The following TMEM201 variants were observed in gnomAD, a reference collection of about 807,000 sequenced individuals.
TMEM201 encodes the protein transmembrane protein 201, also known as RP13-15M17.2.
TMEM201 carries 26 observed loss-of-function variants against 63.4 expected under a neutral mutation model. The observed-to-expected ratio is 0.41, with a 90% CI of 0.30 to 0.57. The LOEUF (loss-of-function observed/expected upper bound fraction) is 0.57. TMEM201 is among the 20% of genes least tolerant of loss of function. The probability of loss-of-function intolerance (pLI) is 0.29; values close to 1 mark genes in which losing one functional copy is unlikely to be tolerated. For missense variants in TMEM201, 794 were observed against 917.7 expected (o/e 0.87, Z 1.74); for synonymous variants, 417 against 421.6 (o/e 0.99, Z 0.14).
intron 2 of TMEM201, 109 bp downstream of exon 2, chr1:9,596,119 C>A: frequency 7.1e-7 from 1 of 1,404,298 alleles, no homozygotes; most frequent in Non-Finnish European, 9.7e-7. Context: ...TCATGGACCC[C>A]ACACCCTCAT....
chr1:9,594,810 C>T (rs945753995), intron 1 of TMEM201, among the ~76,000 whole-genome samples: 3 of 152,260 alleles, frequency 2.0e-5, no homozygotes, highest in African/African-American at 4.8e-5. Context: ...TGGTTGCCCC[C>T]ACTTCACAGA....
At chr1:9,611,716 A>G (rs1178656862) in intron 9 of TMEM201, 37 bp from the exon 10 acceptor site, 1 of 1,550,826 alleles carries the variant, frequency 6.4e-7, no homozygotes, top group East Asian at 2.4e-5. Flanking sequence ...GGAGGGAGCC[A>G]TGAGCGCCAC....
intron 9 of TMEM201, 151 bp from the exon 10 acceptor site, chr1:9,611,602 G>T: frequency 1.1e-6 from 1 of 926,782 alleles, no homozygotes; most frequent in Non-Finnish European, 1.6e-6. Flanking sequence ...GCAAGGACCT[G>T]GCCCCCCACT....
At chr1:9,612,617 G>C (rs1028211546) in intron 10 of TMEM201, among the ~76,000 whole-genome samples, 2 of 152,238 alleles carry the variant, frequency 1.3e-5, no homozygotes, top group African/African-American at 2.4e-5. Flanking sequence ...GACCTGGGTT[G>C]GCTGCTTATT....
Position 9,610,845 on chromosome 1 carries a change from C to T in TMEM201, c.1765+40C>T. ...CCACCCCAAGGGGCCGTGGGAGGGC[C>T]TCTGCTGCCAAGAGGCCTGGCTGTG... On this transcript the variant is annotated intron_variant, in intron 9 of 10. Coordinates refer to ENST00000340381, the MANE Select transcript of TMEM201 (RefSeq NM_001130924.3). This position sits in a 1 kb window ranked among gnomAD's most constrained non-coding sequence, Gnocchi z 4.9. 1 of 1,505,808 alleles carries T rather than the reference C, an allele frequency of 6.6e-7. No individual in the cohort carries two copies. Among genetic ancestry groups the T allele is most frequent in the Non-Finnish European group, 8.9e-7 (1 of 1,122,276 alleles). The allele number at this position is 1,505,808 out of a possible 1,614,324, so 93.3% of individuals were successfully genotyped here. A position where few individuals can be genotyped will look rare whatever the true frequency, so the allele number is the denominator to read the frequency against.
Position 9,610,003 on chromosome 1 carries a change from C to T in TMEM201, c.1465+92C>T. ...GGTTTGTGTGAGCTTTGGGGTCAGA[C>T]AGACCCCAAGTGTGTGTTCACATCT... On this transcript the variant is annotated intron_variant, in intron 8 of 10. Coordinates refer to ENST00000340381, the MANE Select transcript of TMEM201 (RefSeq NM_001130924.3). The surrounding 1 kb of genome is among the most constrained non-coding windows in gnomAD (Gnocchi z 4.9). 1 of 1,248,716 alleles carries T rather than the reference C, an allele frequency of 8.0e-7. No homozygotes were observed. Among genetic ancestry groups the T allele is most frequent in the Non-Finnish European group, 1.1e-6 (1 of 874,882 alleles). The allele number at this position is 1,248,716 out of a possible 1,614,324, so 77.4% of individuals were successfully genotyped here. A position where few individuals can be genotyped will look rare whatever the true frequency, so the allele number is the denominator to read the frequency against.
intron 2 of TMEM201, among the ~76,000 whole-genome samples, chr1:9,596,440 G>A (rs2100465192): frequency 6.6e-6 from 1 of 152,346 alleles, no homozygotes; most frequent in South Asian, 2.1e-4. Flanking sequence ...GCCACCGTAG[G>A]TAATACAAGA....
chr1:9,602,405 G>GC (rs1644162835), intron 6 of TMEM201, 133 bp downstream of exon 6: 2 of 968,516 alleles, frequency 2.1e-6, no homozygotes, highest in Admixed American at 4.8e-5. Flanking sequence ...CCACCCTACA[G>GC]CCCCAGGTCC....
At position 9,608,437 on chromosome 1, in the gene TMEM201, C is replaced by T. The variant is rs1394449406; in HGVS notation, c.1393+648C>T. On this transcript the variant is annotated intron_variant, in intron 7 of 10. Coordinates refer to ENST00000340381, the MANE Select transcript of TMEM201 (RefSeq NM_001130924.3). The surrounding 1 kb of genome is among the most constrained non-coding windows in gnomAD (Gnocchi z 4.3). ...ATTCTAGGGGAGGAGATGCTGATAA[C>T]AGCCAAGGCCCCTCTCCTCTCGTGC... is the stretch of plus-strand genomic sequence containing the variant. Among the ~76,000 whole-genome samples, 1 of 152,208 alleles carries T rather than the reference C, an allele frequency of 6.6e-6. No individual in the cohort carries two copies. The highest frequency in any genetic ancestry group is 1.9e-4 in the East Asian group (1 of 5,202).
chr1:9,611,643 C>T (rs1260218052), intron 9 of TMEM201, 110 bp from the exon 10 acceptor site: 1 of 1,441,268 alleles, frequency 6.9e-7, no homozygotes, highest in African/African-American at 1.4e-5. Context: ...TTGGGACAGC[C>T]TGGCTCACCA....
intron 10 of TMEM201, among the ~76,000 whole-genome samples, chr1:9,612,178 T>C (rs1229555637): frequency 2.0e-5 from 3 of 152,192 alleles, no homozygotes; most frequent in African/African-American, 7.2e-5. Flanking sequence ...TGAAATGTAG[T>C]TCTTGAGCTG....
rs920126229 is a variant in TMEM201, at chr1:9,608,799, A to C, written c.1393+1010A>C. Among the ~76,000 whole-genome samples, 3 of 152,184 alleles carry C rather than the reference A, an allele frequency of 2.0e-5. No individual in the cohort carries two copies. The highest frequency in any genetic ancestry group is 1.3e-4 in the Admixed American group (2 of 15,276). ...CAATCTCCCTGTTAAGGCTCAAGGC[A>C]GGGACACAGTAGCGACCTGTCTGAG... On this transcript the variant is annotated intron_variant, in intron 7 of 10. Coordinates refer to ENST00000340381, the MANE Select transcript of TMEM201 (RefSeq NM_001130924.3). The surrounding 1 kb of genome is among the most constrained non-coding windows in gnomAD (Gnocchi z 4.3).
intron 3 of TMEM201, 105 bp from the exon 4 acceptor site, chr1:9,598,344 C>A: frequency 7.2e-7 from 1 of 1,384,494 alleles, no homozygotes; most frequent in Middle Eastern, 1.9e-4. Flanking sequence ...CCCCGGTCAT[C>A]CCCTAGTAAG....
At chr1:9,596,072 C>G (rs1644014398) in intron 2 of TMEM201, 62 bp downstream of exon 2, 4 of 1,581,690 alleles carry the variant, frequency 2.5e-6, no homozygotes. Flanking sequence ...AGATTTGCAC[C>G]TTGAGACCAC....
intron 10 of TMEM201, 108 bp downstream of exon 10, chr1:9,611,998 C>A: frequency 7.5e-7 from 1 of 1,336,088 alleles, no homozygotes; most frequent in Non-Finnish European, 9.9e-7. Flanking sequence ...CAGGACATTG[C>A]AGTCCCTGAG....
rs911578733 is a variant in TMEM201, at chr1:9,608,562, C to G, written c.1393+773C>G. On this transcript the variant is annotated intron_variant, in intron 7 of 10. Transcript: ENST00000340381. This position sits in a 1 kb window ranked among gnomAD's most constrained non-coding sequence, Gnocchi z 4.3. ...ATACCCCCCTATTTTCAGGGCACCC[C>G]AGCCTGGTGGCACTTGAATGGAACT... Among the ~76,000 whole-genome samples the G allele has an allele frequency of 1.3e-5, 2 of 152,196 alleles. No individual in the cohort carries two copies. Among genetic ancestry groups the G allele is most frequent in the Non-Finnish European group, 2.9e-5 (2 of 68,040 alleles).
intron 1 of TMEM201, among the ~76,000 whole-genome samples, chr1:9,590,680 G>A (rs1272652305): frequency 2.6e-5 from 4 of 152,218 alleles, no homozygotes; most frequent in South Asian, 4.1e-4. Flanking sequence ...GACACCAGCA[G>A]GTCACGGTGT....
intron 3 of TMEM201, among the ~76,000 whole-genome samples, chr1:9,597,994 T>C (rs1470308773): frequency 6.6e-6 from 1 of 152,202 alleles, no homozygotes; most frequent in Non-Finnish European, 1.5e-5. Flanking sequence ...AACCTTCACC[T>C]GCCACAAAGA....
chr1:9,596,211 C>T (rs1274178141), intron 2 of TMEM201, among the ~76,000 whole-genome samples: 1 of 152,254 alleles, frequency 6.6e-6, no homozygotes, highest in East Asian at 1.9e-4. Flanking sequence ...GGCGCTGTCT[C>T]CTCACTTGAG....
Sources: allele counts gnomAD v4.1 joint callset (sites outside exome capture counted in the v4.1 genomes callset), GRCh38; gene constraint gnomAD v4.1.1; non-coding constraint Gnocchi (gnomAD v3.1); transcripts MANE v1.5; gene names NCBI Gene and HGNC (gene_info 2026-07-23, HGNC 2026-07-21).